SAFB2: variants seen among roughly 807,000 people sequenced by gnomAD.
SAFB2 encodes scaffold attachment factor B2.
A neutral mutation model predicts 100.6 loss-of-function variants in SAFB2; 32 were observed. The ratio of observed to expected loss-of-function variants is 0.32; its 90% CI spans 0.24 to 0.43. The LOEUF is 0.43. Ranked by LOEUF, SAFB2 falls within the 20% of genes least tolerant of loss-of-function variation. The probability of loss-of-function intolerance (pLI) is 1.00; values close to 1 mark genes in which losing one functional copy is unlikely to be tolerated. For missense variants in SAFB2, 1,185 were observed against 1,163.4 expected (o/e 1.02, Z -0.27); for synonymous variants, 500 against 439.4 (o/e 1.14, Z -1.72).
At chr19:5,592,010 T>C (rs1431139674) in intron 16 of SAFB2, among the ~76,000 whole-genome samples, 1 of 152,218 alleles carries the variant, frequency 6.6e-6, no homozygotes, top group Non-Finnish European at 1.5e-5. Flanking sequence ...AAGATCTCAC[T>C]GAACTAAAAT....
At position 5,587,672 on chromosome 19, in the gene SAFB2, C is replaced by T. The variant is rs2052287177; in HGVS notation, c.2705+29G>A. 1 of 1,533,490 alleles carries T rather than the reference C, an allele frequency of 6.5e-7. No homozygotes were observed. Among genetic ancestry groups the T allele is most frequent in the Non-Finnish European group, 8.8e-7 (1 of 1,137,882 alleles). The allele number at this position is 1,533,490 out of a possible 1,614,324, so 95.0% of individuals were successfully genotyped here. A position where few individuals can be genotyped will look rare whatever the true frequency, so the allele number is the denominator to read the frequency against. ...GAGGAAGTGAGGAGCAGGAGTGAAC[C>T]ACCGTCCTCCACGGACGACACACCT... On this transcript the variant is annotated intron_variant, in intron 20 of 20. Coordinates refer to ENST00000252542, the MANE Select transcript of SAFB2 (RefSeq NM_014649.3). This position sits in a 1 kb window ranked among gnomAD's most constrained non-coding sequence, Gnocchi z 4.9.
rs770973363 is a variant in SAFB2, at chr19:5,616,192, A to G, written c.483T>C (p.Asp161=). The G allele has an allele frequency of 6.2e-7, 1 of 1,614,216 alleles. No individual in the cohort carries two copies. Among genetic ancestry groups the G allele is most frequent in the Non-Finnish European group, 8.5e-7 (1 of 1,180,032 alleles). ...GCTGTGCAGCCACGTATTCTTTACTATCACAAAAGGAATCGAGAAGGCCGT... is the reference window on the plus strand; with the variant it reads ...GCTGTGCAGCCACGTATTCTTTACTGTCACAAAAGGAATCGAGAAGGCCGT... ...GTDGLLDSFC[D]SKEYVAAQLR... The change falls in exon 4 of 21, where the codon GAT becomes GAC. Residue 161 remains aspartate (D), a synonymous_variant. Coordinates refer to ENST00000252542, the MANE Select transcript of SAFB2 (RefSeq NM_014649.3).
At chr19:5,618,826 G>A (rs535975684) in intron 2 of SAFB2, among the ~76,000 whole-genome samples, 3 of 152,322 alleles carry the variant, frequency 2.0e-5, no homozygotes, top group South Asian at 2.1e-4. Context: ...AAAAGCTGCC[G>A]CTGCTGGGGA....
In SAFB2 at chr19:5,607,044, G is replaced by A. The variant is rs2052790549; in HGVS notation, c.1297-2108C>T. Among the ~76,000 whole-genome samples, 3 of 152,128 alleles carry A rather than the reference G, an allele frequency of 2.0e-5. No individual in the cohort carries two copies. In the South Asian group the frequency reaches 6.2e-4, roughly 32 times the overall value. On this transcript the variant is annotated intron_variant, in intron 9 of 20. Coordinates refer to ENST00000252542, the MANE Select transcript of SAFB2 (RefSeq NM_014649.3). ...TGGGAGGCCGAGGTGGGAGGATCAC[G>A]AGGTCAGGAGATCAAGACCATCCTG...
At chr19:5,612,472 A>T in intron 6 of SAFB2, 68 bp downstream of exon 6, 1 of 1,378,616 alleles carries the variant, frequency 7.3e-7, no homozygotes, top group Non-Finnish European at 1.0e-6. Flanking sequence ...AGCTTAAAAT[A>T]TAGACAGCTT....
At position 5,594,096 on chromosome 19, in the gene SAFB2, G is replaced by A. The variant is rs527748235; in HGVS notation, c.2002C>T (p.Leu668=). Residue 668 remains leucine (L), a synonymous_variant, in exon 15 of 21, where the codon CTG becomes TTG. Coordinates refer to ENST00000252542, the MANE Select transcript of SAFB2 (RefSeq NM_014649.3). The part of the protein sequence containing the change: ...KEKARLQRER[L]QLECQRQRLE... ...CGCTGGCGCTGGCACTCGAGCTGCA[G>A]GCGTTCCCGCTGTAGCCGGGCCTTC... is the stretch of plus-strand genomic sequence containing the variant. The A allele has an allele frequency of 1.2e-5, 19 of 1,599,892 alleles. No homozygotes were observed. The African/African-American group carries it at 2.0e-4, about 17-fold the overall frequency.
chr19:5,598,522 A>G (rs1488509339), intron 13 of SAFB2: 3 of 480,058 alleles, frequency 6.2e-6, no homozygotes, highest in African/African-American at 3.9e-5. Context: ...ATCCCACCCT[A>G]TGGTGAGCTG....
chr19:5,618,792 C>T (rs773126432), intron 2 of SAFB2, among the ~76,000 whole-genome samples: 4 of 152,240 alleles, frequency 2.6e-5, no homozygotes, highest in Admixed American at 1.3e-4. Flanking sequence ...CGCCCCAATC[C>T]CCGGCACCTG....
At chr19:5,616,609 T>G in intron 2 of SAFB2, 123 bp from the exon 3 acceptor site, 1 of 655,374 alleles carries the variant, frequency 1.5e-6, no homozygotes, top group Non-Finnish European at 2.7e-6. Flanking sequence ...GTCTCCCCTC[T>G]CCTGTCACAC....
In SAFB2 at chr19:5,590,285, G is replaced by A; in HGVS notation, c.2518C>T (p.Pro840Ser). The A allele has an allele frequency of 1.3e-6, 2 of 1,596,412 alleles. No individual in the cohort carries two copies. The highest frequency in any genetic ancestry group is 1.7e-6 in the Non-Finnish European group (2 of 1,172,586). ...TGGGGCTCACCCACTAACCTGGGGG[G>A]AGGGGGCAGCCCCCGGCCTTCACTC... Reference protein sequence around the residue: ...RLSEGRGLPPPPRGGRDWGEH... With the variant: ...RLSEGRGLPPSPRGGRDWGEH... Residue 840 changes from proline to serine, a missense_variant, in exon 18 of 21, where the codon CCC becomes TCC. This residue lies in a region of SAFB2 where 740 missense variants were observed against 687.1 expected (regional missense o/e 1.08). Coordinates refer to ENST00000252542, the MANE Select transcript of SAFB2 (RefSeq NM_014649.3).
At position 5,590,366 on chromosome 19, in the gene SAFB2, G is replaced by A. The variant is rs565743190; in HGVS notation, c.2437C>T (p.Arg813Cys). 2.8e-5 allele frequency: 45 copies of A among 1,611,866 alleles called. No homozygotes were observed. The highest frequency in any genetic ancestry group is 1.3e-4 in the East Asian group (6 of 44,756). ...DRHGHGGPPERHGRDSRDGWG... is the reference protein window; with the variant it reads ...DRHGHGGPPECHGRDSRDGWG... ...CCATCACGGGAGTCCCGGCCGTGGCGCTCTGGGGGTCCTCCGTGGCCATGG... is the reference window on the plus strand; with the variant it reads ...CCATCACGGGAGTCCCGGCCGTGGCACTCTGGGGGTCCTCCGTGGCCATGG... Residue 813 changes from arginine (R) to cysteine (C), a missense_variant, in exon 18 of 21, where the codon CGC becomes TGC. Physicochemically the swap from Arg to Cys is radical, Grantham distance 180. Around this residue, in one of 3 missense-constraint regions of SAFB2, gnomAD observed 740 missense variants for 687.1 expected, o/e 1.08. Transcript: ENST00000252542.
chr19:5,603,342 C>T (rs1037940784), intron 11 of SAFB2, among the ~76,000 whole-genome samples: 1 of 152,148 alleles, frequency 6.6e-6, no homozygotes, highest in East Asian at 1.9e-4. Context: ...GTAATTACAT[C>T]TTCAAAAACC....
At chr19:5,606,199 A>C (rs2052771273) in intron 9 of SAFB2, among the ~76,000 whole-genome samples, 1 of 152,260 alleles carries the variant, frequency 6.6e-6, no homozygotes, top group African/African-American at 2.4e-5. Flanking sequence ...GCCCAAACTG[A>C]AGGCTACTTT....
At chr19:5,603,195 G>C (rs1213993412) in intron 11 of SAFB2, among the ~76,000 whole-genome samples, 3 of 152,154 alleles carry the variant, frequency 2.0e-5, no homozygotes, top group Admixed American at 6.5e-5. Context: ...TTGGGCTTGG[G>C]AAGTCGAGGC....
intron 4 of SAFB2, among the ~76,000 whole-genome samples, chr19:5,615,591 T>G (rs182011815): frequency 6.6e-6 from 1 of 151,996 alleles, no homozygotes. Flanking sequence ...TGGTTCACTG[T>G]GTAGTCTCAG....
chr19:5,592,754 T>A lies in SAFB2; in HGVS notation c.2341A>T (p.Ile781Phe), dbSNP rs760148144. ...GGGGACAAGACCACTGACCTGTCGATGGCGTGGTCCTGGTACTGGCCCCGG... is the reference window on the plus strand; with the variant it reads ...GGGGACAAGACCACTGACCTGTCGAAGGCGTGGTCCTGGTACTGGCCCCGG... ...RDRGQYQDHA[I>F]DRREGSRPMM... Residue 781 changes from isoleucine to phenylalanine, a missense_variant, in exon 16 of 21, where the codon ATC becomes TTC. By Grantham distance (21) the Ile-to-Phe change is conservative. Coordinates refer to ENST00000252542, the MANE Select transcript of SAFB2 (RefSeq NM_014649.3). 1 of 1,613,972 alleles carries A rather than the reference T, an allele frequency of 6.2e-7. No homozygotes were observed. Among genetic ancestry groups the A allele is most frequent in the African/African-American group, 1.3e-5 (1 of 74,940 alleles).
intron 17 of SAFB2, 53 bp downstream of exon 17, chr19:5,591,695 T>C (rs895452037): frequency 2.5e-5 from 39 of 1,570,840 alleles, no homozygotes; most frequent in Non-Finnish European, 3.1e-5. Context: ...TGGTCCGCTA[T>C]GCCTGCACAG....
chr19:5,621,224 A>G (rs1473465626), intron 2 of SAFB2, 85 bp downstream of exon 2: 5 of 891,574 alleles, frequency 5.6e-6, no homozygotes, highest in Non-Finnish European at 9.5e-6. Context: ...AAATTCTCCC[A>G]GCCTAGAAGG....
intron 5 of SAFB2, 125 bp from the exon 6 acceptor site, chr19:5,612,692 CCAAAAAATGTATT>C (rs1346306421): frequency 1.4e-6 from 1 of 731,396 alleles, no homozygotes; most frequent in Non-Finnish European, 2.3e-6. Flanking sequence ...TTTCTTGTCT[CCAAAAAATGTATT>C]CCATCCTACA....
Sources: gnomAD v4.1 joint callset for allele counts (sites outside exome capture counted in the v4.1 genomes callset) on GRCh38, gnomAD v4.1.1 for gene constraint, gnomAD v4.1.1 regional missense constraint, Gnocchi (gnomAD v3.1) non-coding constraint, MANE v1.5 for transcripts, NCBI Gene and HGNC (gene_info 2026-07-23, HGNC 2026-07-21) for gene names.